The following BICDL1 variants were observed in gnomAD, a reference collection of about 807,000 sequenced individuals.
BICDL1 encodes the protein BICD family-like cargo adapter 1.
Under a neutral mutation model 76.8 loss-of-function variants are expected in BICDL1, and 20 were observed. That is an observed-to-expected ratio of 0.26 (90% confidence interval 0.18 to 0.38). The LOEUF (loss-of-function observed/expected upper bound fraction) is 0.38. Among genes scored for constraint, BICDL1 ranks in the 10% least tolerant of loss-of-function variants. BICDL1 has a pLI of 1.00. For missense variants in BICDL1, 700 were observed against 798.6 expected (o/e 0.88, Z 1.49); for synonymous variants, 383 against 337.1 (o/e 1.14, Z -1.49).
chr12:119,993,433 C>G (rs1395093772), intron 1 of BICDL1: 1 of 152,108 alleles, frequency 6.6e-6, no homozygotes, highest in African/African-American at 2.4e-5. Flanking sequence ...TAAAGGCATA[C>G]TATTAATATT....
intron 2 of BICDL1, among the ~76,000 whole-genome samples, chr12:120,060,527 G>A (rs538364212): frequency 6.6e-5 from 10 of 152,182 alleles, no homozygotes; most frequent in Non-Finnish European, 4.4e-5. Flanking sequence ...CTGAAACTTG[G>A]GAAACAAAGA....
Position 119,990,131 on chromosome 12 carries a change from G to T in BICDL1, c.263G>T (p.Gly88Val). 1 of 1,550,038 alleles carries T rather than the reference G, an allele frequency of 6.5e-7. No homozygotes were observed. Among genetic ancestry groups the T allele is most frequent in the Non-Finnish European group, 8.7e-7 (1 of 1,147,028 alleles). ...AEPGSLAEGA[G>V]PQPPPSQDPE... ...CCTGGGTCTCTGGCCGAGGGGGCCG[G>T]ACCGCAGCCGCCGCCCTCCCAGGAC... is the stretch of plus-strand genomic sequence containing the variant. The change falls in exon 1 of 10, where the codon GGA (glycine) becomes GTA (valine). Residue 88 changes from glycine (G) to valine (V), a missense_variant. By Grantham distance (109) the Gly-to-Val change is moderately radical. Around this residue, in one of 3 missense-constraint regions of BICDL1, gnomAD observed 225 missense variants for 199.6 expected, o/e 1.13. Coordinates refer to ENST00000548673, the MANE Select transcript of BICDL1 (RefSeq NM_001367886.1).
chr12:119,991,030 A>G (rs535914728), intron 1 of BICDL1, among the ~76,000 whole-genome samples: 3 of 152,130 alleles, frequency 2.0e-5, no homozygotes, highest in Non-Finnish European at 4.4e-5. Flanking sequence ...GGTATCCGTA[A>G]TATTTCTGCC....
At chr12:120,029,241 C>G (rs1381083710) in intron 2 of BICDL1, among the ~76,000 whole-genome samples, 1 of 152,124 alleles carries the variant, frequency 6.6e-6, no homozygotes, top group Non-Finnish European at 1.5e-5. Flanking sequence ...CTATGCAACC[C>G]CAGGGCGGTA....
intron 2 of BICDL1, among the ~76,000 whole-genome samples, chr12:120,025,972 G>A (rs977028156): frequency 6.6e-6 from 1 of 151,866 alleles, no homozygotes; most frequent in African/African-American, 2.4e-5. Flanking sequence ...TGAGTAGCTG[G>A]GATTACAGGT....
At chr12:120,054,987 GA>G (rs535731780) in intron 2 of BICDL1, among the ~76,000 whole-genome samples, 368 of 152,246 alleles carry the variant, frequency 2.4e-3, no homozygotes, top group African/African-American at 8.2e-3. Flanking sequence ...AAAGATTGGG[GA>G]AAAAATAAAA....
At chr12:119,998,364 A>G (rs1951694463) in intron 1 of BICDL1, among the ~76,000 whole-genome samples, 157 bp from the exon 2 acceptor site, 1 of 152,166 alleles carries the variant, frequency 6.6e-6, no homozygotes, top group African/African-American at 2.4e-5. Flanking sequence ...AAGAAGGAAT[A>G]TTTTTGTAGC....
intron 2 of BICDL1, among the ~76,000 whole-genome samples, chr12:120,045,361 C>T (rs1205411444): frequency 4.0e-5 from 6 of 150,672 alleles, no homozygotes; most frequent in Non-Finnish European, 9.0e-5. Flanking sequence ...GTCAGTGTGG[C>T]GATTCCTCAG....
chr12:120,091,091 ATGGCCCACTG>A (rs1383930828), intron 9 of BICDL1: 6 of 1,280,920 alleles, frequency 4.7e-6, no homozygotes, highest in African/African-American at 1.5e-5. Context: ...GCCTCCCCTC[ATGGCCCACTG>A]TGTTCTGTGT....
chr12:120,015,455 C>T (rs1008619446), intron 2 of BICDL1, among the ~76,000 whole-genome samples: 1 of 152,190 alleles, frequency 6.6e-6, no homozygotes, highest in African/African-American at 2.4e-5. Context: ...TTCATGAGAA[C>T]TTTGCTGTTC....
chr12:120,085,755 A>G (rs1345303041), intron 8 of BICDL1, among the ~76,000 whole-genome samples: 6 of 146,312 alleles, frequency 4.1e-5, no homozygotes, highest in African/African-American at 1.3e-4. Context: ...AGCTGTGATC[A>G]TGCCACTGCA....
At chr12:120,075,041 TC>T (rs1186250612) in intron 7 of BICDL1, among the ~76,000 whole-genome samples, 7 of 152,238 alleles carry the variant, frequency 4.6e-5, no homozygotes, top group Non-Finnish European at 8.8e-5. Flanking sequence ...CCCTTGCTGT[TC>T]CTTTCTCATT....
chr12:120,068,433 T>A (rs1872823521), intron 4 of BICDL1, among the ~76,000 whole-genome samples: 1 of 152,172 alleles, frequency 6.6e-6, no homozygotes, highest in Non-Finnish European at 1.5e-5. Flanking sequence ...CATGTGGTCG[T>A]GTGTCTAGCT....
intron 2 of BICDL1, among the ~76,000 whole-genome samples, chr12:120,011,680 T>TA (rs1189028490): frequency 6.6e-6 from 1 of 152,202 alleles, no homozygotes; most frequent in African/African-American, 2.4e-5. Flanking sequence ...GATAGACCCT[T>TA]TCATGGTTAT....
chr12:120,014,736 C>T (rs936047428), intron 2 of BICDL1, among the ~76,000 whole-genome samples: 6 of 150,970 alleles, frequency 4.0e-5, no homozygotes, highest in African/African-American at 1.5e-4. Flanking sequence ...TGGTGGCTTA[C>T]ACCTGTAATC....
chr12:120,091,635 C>G, intron 9 of BICDL1: 1 of 985,044 alleles, frequency 1.0e-6, no homozygotes, highest in South Asian at 4.7e-5. Context: ...TGAGCTGAGT[C>G]TGAAAGACAG....
chr12:120,071,862 C>A lies in BICDL1; in HGVS notation c.1089+61C>A, dbSNP rs1840491315. On this transcript the variant is annotated intron_variant, in intron 5 of 9. Transcript: ENST00000548673. This position sits in a 1 kb window ranked among gnomAD's most constrained non-coding sequence, Gnocchi z 4.8. Reference sequence around the variant, plus strand: ...CCTGGGGTTGCTTAGGTCTCATCCTCCTCCCTAGTGCTCAGCTGCCATCCT... The same window carrying A: ...CCTGGGGTTGCTTAGGTCTCATCCTACTCCCTAGTGCTCAGCTGCCATCCT... 2.0e-6 allele frequency: 3 copies of A among 1,476,784 alleles called. No homozygotes were observed. The Admixed American group carries it at 7.3e-5, about 36-fold the overall frequency. The allele number at this position is 1,476,784 out of a possible 1,614,324, so 91.5% of individuals were successfully genotyped here. A position where few individuals can be genotyped will look rare whatever the true frequency, so the allele number is the denominator to read the frequency against.
At chr12:120,088,226 C>T (rs1053131308) in intron 8 of BICDL1, among the ~76,000 whole-genome samples, 2 of 152,116 alleles carry the variant, frequency 1.3e-5, no homozygotes, top group Non-Finnish European at 2.9e-5. Flanking sequence ...AGCCACAGCA[C>T]CCTGCGGACA....
intron 4 of BICDL1, among the ~76,000 whole-genome samples, chr12:120,070,686 G>A (rs1024066036): frequency 6.6e-6 from 1 of 150,956 alleles, no homozygotes; most frequent in Non-Finnish European, 1.5e-5. Flanking sequence ...TTTGAATCAA[G>A]ATACAGATTA....
Sources: allele counts gnomAD v4.1 joint callset (sites outside exome capture counted in the v4.1 genomes callset), GRCh38; gene constraint gnomAD v4.1.1; regional missense constraint gnomAD v4.1.1; non-coding constraint Gnocchi (gnomAD v3.1); transcripts MANE v1.5; gene names NCBI Gene and HGNC (gene_info 2026-07-23, HGNC 2026-07-21).